GPN3: variants seen among roughly 807,000 people sequenced by gnomAD.
GPN3 encodes ATP-binding domain 1 family member C.
GPN3 carries 31 observed loss-of-function variants against 38.7 expected under a neutral mutation model. That is an observed-to-expected ratio of 0.80 (90% CI 0.60 to 1.08). The LOEUF is 1.08. GPN3 is among the 50% of genes least tolerant of loss of function. The pLI, the probability that GPN3 is intolerant of heterozygous loss-of-function variation, is 0.00. For synonymous variants in GPN3, 116 were observed against 120.2 expected (o/e 0.96, Z 0.23); for missense variants, 301 against 354.4 (o/e 0.85, Z 1.21).
intron 1 of GPN3, among the ~76,000 whole-genome samples, chr12:110,465,565 C>T (rs1412306811): frequency 1.3e-5 from 2 of 152,126 alleles, no homozygotes; most frequent in East Asian, 3.8e-4. Flanking sequence ...TCTACCAGGA[C>T]TTGTACAGTG....
intron 2 of GPN3, chr12:110,461,214 G>C (rs1054700063): frequency 7.8e-7 from 1 of 1,278,166 alleles, no homozygotes; most frequent in Non-Finnish European, 1.1e-6. Context: ...TGGGCCAAAG[G>C]AATAAGGAAT....
At chr12:110,462,267 A>G (rs2062594831) in intron 2 of GPN3, among the ~76,000 whole-genome samples, 2 of 152,034 alleles carry the variant, frequency 1.3e-5, no homozygotes, top group South Asian at 2.1e-4. Context: ...TCTCCCTTCA[A>G]TCTGCCTCCC....
chr12:110,465,226 C>A lies in GPN3; in HGVS notation c.49-12G>T, dbSNP rs1565845941. 1.4e-6 allele frequency: 2 copies of A among 1,481,148 alleles called. No homozygotes were observed. The highest frequency in any genetic ancestry group is 1.9e-6 in the Non-Finnish European group (2 of 1,058,302). 91.8% of individuals were successfully genotyped at this position (1,481,148 alleles called of 1,614,324 possible). A position where few individuals can be genotyped will look rare whatever the true frequency, so the allele number is the denominator to read the frequency against. Reference sequence around the variant, plus strand: ...GCACAGTAGGTGCTCTGTAATGTCACAAGGCATGAGAGGTTAAAGCAACAG... The same window carrying A: ...GCACAGTAGGTGCTCTGTAATGTCAAAAGGCATGAGAGGTTAAAGCAACAG... On this transcript the variant is annotated splice_polypyrimidine_tract_variant and intron_variant, in intron 1 of 7. Transcript: ENST00000228827.
At position 110,468,239 on chromosome 12, in the gene GPN3, C is replaced by G; in HGVS notation, c.-36G>C. The G allele has an allele frequency of 6.2e-7, 1 of 1,606,460 alleles. No homozygotes were observed. The highest frequency in any genetic ancestry group is 8.5e-7 in the Non-Finnish European group (1 of 1,179,810). On this transcript the variant is annotated 5_prime_UTR_variant, in exon 1 of 8. Coordinates refer to ENST00000228827, the MANE Select transcript of GPN3 (RefSeq NM_016301.4). ...GGAGCCGCCCGCCACACTCCCTTAG[C>G]CTTCGCGCGACGCCCACTGAGCTCC...
Position 110,453,065 on chromosome 12 carries a change from T to C in GPN3, c.824A>G (p.Asp275Gly), listed in dbSNP as rs1450923291. The change falls in exon 8 of 8, where the codon GAC (aspartate) becomes GGC (glycine). Residue 275 changes from aspartate (D) to glycine (G), a missense_variant. Asp to Gly is a moderately conservative substitution (Grantham distance 94, BLOSUM62 -1). Coordinates refer to ENST00000228827, the MANE Select transcript of GPN3 (RefSeq NM_016301.4). ...ATCCTGGCATTCTTGAAAATATTCG[T>C]CAAACATAGAGGAAGACTCATCTTC... ...EREDESSSMFDEYFQECQDE is the reference protein window; with the variant it reads ...EREDESSSMFGEYFQECQDE The C allele has an allele frequency of 1.3e-6, 2 of 1,482,254 alleles. No individual in the cohort carries two copies. The highest frequency in any genetic ancestry group is 1.9e-6 in the Non-Finnish European group (2 of 1,060,868). 91.8% of individuals were successfully genotyped at this position (1,482,254 alleles called of 1,614,324 possible).
chr12:110,463,640 A>AG (rs2062607520), intron 2 of GPN3, among the ~76,000 whole-genome samples: 17 of 136,918 alleles, frequency 1.2e-4, no homozygotes, highest in African/African-American at 4.4e-4. Context: ...AAAAAAAAAA[A>AG]GTATAAAAAT....
intron 2 of GPN3, among the ~76,000 whole-genome samples, chr12:110,463,682 C>A (rs1245018170): frequency 6.7e-6 from 1 of 148,574 alleles, no homozygotes; most frequent in Non-Finnish European, 1.5e-5. Context: ...ATCTGTAGTC[C>A]CAGCTACTTG....
chr12:110,468,572 G>T, upstream of GPN3: 1 of 1,537,240 alleles, frequency 6.5e-7, no homozygotes, highest in Non-Finnish European at 8.7e-7. Context: ...TGACCCTCGC[G>T]ATTTGCAAAT....
intron 7 of GPN3, among the ~76,000 whole-genome samples, chr12:110,453,504 T>C (rs555537342): frequency 6.6e-6 from 1 of 152,198 alleles, no homozygotes; most frequent in Non-Finnish European, 1.5e-5. Flanking sequence ...TCTTTACACA[T>C]ACACCCAAGC....
intron 2 of GPN3, chr12:110,461,231 T>C: frequency 1.6e-6 from 2 of 1,269,584 alleles, no homozygotes; most frequent in Admixed American, 3.4e-5. Flanking sequence ...GAATGTCCCA[T>C]ACTGAATCCG....
intron 2 of GPN3, among the ~76,000 whole-genome samples, chr12:110,463,606 C>CAAAAAAAAAAAAAAAAA (rs60072879): frequency 6.2e-5 from 4 of 64,290 alleles, no homozygotes; most frequent in Non-Finnish European, 8.0e-5. Context: ...CCTGTCTCTA[C>CAAAAAAAAAAAAAAAAA]AAAAAAAAAA....
chr12:110,462,946 C>T (rs970185419), intron 2 of GPN3, among the ~76,000 whole-genome samples: 12 of 151,774 alleles, frequency 7.9e-5, no homozygotes, highest in Non-Finnish European at 1.2e-4. Context: ...TTAGTAGAGA[C>T]GGGGTTTCAC....
At chr12:110,454,121 T>A (rs917151748) in intron 6 of GPN3, among the ~76,000 whole-genome samples, 1 of 152,162 alleles carries the variant, frequency 6.6e-6, no homozygotes, top group Non-Finnish European at 1.5e-5. Context: ...TTATCTGAAT[T>A]CAACAACCAC....
At chr12:110,468,024 A>G in intron 1 of GPN3, 132 bp downstream of exon 1, 1 of 1,224,942 alleles carries the variant, frequency 8.2e-7, no homozygotes, top group East Asian at 2.3e-5. Context: ...ACGTGAAGCC[A>G]GACAGCAGAA....
intron 1 of GPN3, among the ~76,000 whole-genome samples, chr12:110,465,568 G>A (rs2062621481): frequency 6.6e-6 from 1 of 152,160 alleles, no homozygotes; most frequent in Admixed American, 6.6e-5. Context: ...ACCAGGACTT[G>A]TACAGTGCAA....
chr12:110,454,003 G>C, intron 6 of GPN3, 132 bp from the exon 7 acceptor site: 1 of 622,744 alleles, frequency 1.6e-6, no homozygotes, highest in Non-Finnish European at 2.8e-6. Flanking sequence ...GGAAGAGGAG[G>C]AGAAGGGATA....
At chr12:110,462,780 G>C (rs1241043104) in intron 2 of GPN3, among the ~76,000 whole-genome samples, 1 of 151,176 alleles carries the variant, frequency 6.6e-6, no homozygotes. Flanking sequence ...TTTTTGAGAC[G>C]GAGTCTCGCT....
At chr12:110,468,371 G>T, upstream of GPN3, 1 of 1,522,510 alleles carries the variant, frequency 6.6e-7, no homozygotes, top group Admixed American at 2.0e-5. Flanking sequence ...CGTGAGAAAC[G>T]CGTCCTGAGA....
chr12:110,454,784 T>C (rs1176012892), intron 6 of GPN3, among the ~76,000 whole-genome samples: 3 of 151,572 alleles, frequency 2.0e-5, no homozygotes, highest in Non-Finnish European at 4.4e-5. Flanking sequence ...CACCTCAGCC[T>C]CCACAGTAGC....
Sources: allele counts gnomAD v4.1 joint callset (sites outside exome capture counted in the v4.1 genomes callset), GRCh38; gene constraint gnomAD v4.1.1; transcripts MANE v1.5; gene names NCBI Gene and HGNC (gene_info 2026-07-23, HGNC 2026-07-21).